TMCO5A: variants seen among roughly 807,000 people sequenced by gnomAD.
TMCO5A encodes transmembrane and coiled-coil domains 5A.
In TMCO5A, 34 loss-of-function variants were observed where a neutral mutation model predicts 42.3. The observed-to-expected ratio is 0.80, with a 90% CI of 0.61 to 1.07. The LOEUF (loss-of-function observed/expected upper bound fraction) is 1.07. TMCO5A is among the 50% of genes least tolerant of loss of function. The probability of loss-of-function intolerance (pLI) is 0.00; values close to 1 mark genes in which losing one functional copy is unlikely to be tolerated. For missense variants in TMCO5A, 357 were observed against 327.9 expected (o/e 1.09, Z -0.69); for synonymous variants, 131 against 115.6 (o/e 1.13, Z -0.86).
the TMCO5A span, among the ~76,000 whole-genome samples, chr15:37,974,089 C>A: frequency 6.2e-4 from 95 of 152,226 alleles, 1 homozygote; most frequent in East Asian, 0.017. Flanking sequence ...GTTGAACAAA[C>A]CTTGCATCCC....
At chr15:38,036,056 T>C in the TMCO5A span, among the ~76,000 whole-genome samples, 3 of 152,070 alleles carry the variant, frequency 2.0e-5, no homozygotes, top group African/African-American at 7.2e-5. Flanking sequence ...AATACTGGAG[T>C]CAGCCTCACG....
At chr15:38,020,000 AT>A in the TMCO5A span, among the ~76,000 whole-genome samples, 4 of 149,522 alleles carry the variant, frequency 2.7e-5, no homozygotes, top group African/African-American at 4.9e-5. Flanking sequence ...AATTAAAAAA[AT>A]TTTTTTTTAG....
At chr15:38,028,750 A>G in the TMCO5A span, among the ~76,000 whole-genome samples, 1 of 152,182 alleles carries the variant, frequency 6.6e-6, no homozygotes, top group Admixed American at 6.5e-5. Context: ...AAAAGCAGCA[A>G]TGGTAGAAGG....
At chr15:38,028,965 A>G in the TMCO5A span, among the ~76,000 whole-genome samples, 3 of 152,234 alleles carry the variant, frequency 2.0e-5, no homozygotes, top group Admixed American at 1.3e-4. Flanking sequence ...ATCTAAAATG[A>G]AGACCCAACT....
At chr15:38,032,655 G>T in the TMCO5A span, among the ~76,000 whole-genome samples, 5 of 152,156 alleles carry the variant, frequency 3.3e-5, no homozygotes, top group African/African-American at 1.2e-4. Flanking sequence ...GGGTAGCCAG[G>T]CATTAATTCA....
downstream of TMCO5A, among the ~76,000 whole-genome samples, chr15:37,953,786 G>A (rs117624727): frequency 5.8e-3 from 882 of 152,092 alleles, 7 homozygotes; most frequent in Non-Finnish European, 0.011. Context: ...TAAAATACCT[G>A]TTTTGAAGAA....
At chr15:38,033,050 C>T in the TMCO5A span, among the ~76,000 whole-genome samples, 8 of 151,876 alleles carry the variant, frequency 5.3e-5, no homozygotes, top group Non-Finnish European at 7.4e-5. Flanking sequence ...GCCTCAGCCT[C>T]CCGAGTAGCT....
rs754073359 is a variant in TMCO5A at position 37,936,359 on chromosome 15, C to T, written c.36C>T (p.Asn12=). Residue 12 remains asparagine (N), a synonymous_variant, in exon 3 of 12, where the codon AAC becomes AAT. Transcript: ENST00000319669. ...CAAGATTGGCTCAGTCAAAAAGAAA[C>T]ATTATCAGTTTGAACATGGACCTTG... ...EISRLAQSKR[N]IISLNMDLER... 3.7e-6 allele frequency: 6 copies of T among 1,612,516 alleles called. No homozygotes were observed. Among genetic ancestry groups the T allele is most frequent in the Admixed American group, 1.7e-5 (1 of 59,814 alleles).
chr15:38,008,130 C>T, the TMCO5A span, among the ~76,000 whole-genome samples: 11 of 151,342 alleles, frequency 7.3e-5, no homozygotes, highest in South Asian at 2.1e-4. Flanking sequence ...CTCCTGACCT[C>T]GTGATCTGCC....
chr15:37,950,967 G>T (rs1478644343), intron 11 of TMCO5A, 69 bp from the exon 12 acceptor site: 48 of 1,372,342 alleles, frequency 3.5e-5, no homozygotes, highest in Non-Finnish European at 4.7e-5. Flanking sequence ...ATGCATTCAG[G>T]TATGATTTAT....
At chr15:37,993,650 C>T in the TMCO5A span, among the ~76,000 whole-genome samples, 1 of 152,230 alleles carries the variant, frequency 6.6e-6, no homozygotes, top group South Asian at 2.1e-4. Flanking sequence ...AAAGTTAATT[C>T]AGCTTTGGGG....
chr15:38,036,483 GTC>G, the TMCO5A span, among the ~76,000 whole-genome samples: 32,189 of 141,652 alleles, frequency 0.23, 3,806 homozygotes, highest in Middle Eastern at 0.3. Context: ...CTCTGTTTTT[GTC>G]TCTCTCTCTC....
At chr15:37,938,259 T>C (rs1452231477) in intron 6 of TMCO5A, 30 bp downstream of exon 6, 2 of 1,526,676 alleles carry the variant, frequency 1.3e-6, no homozygotes, top group South Asian at 1.2e-5. Context: ...CTAAATGTGG[T>C]TGGGCTATGT....
the TMCO5A span, among the ~76,000 whole-genome samples, chr15:38,012,970 AGGACTG>A: frequency 2.0e-5 from 3 of 152,202 alleles, no homozygotes; most frequent in African/African-American, 7.2e-5. Context: ...CCTCTTCCTC[AGGACTG>A]GGATACAGAT....
the TMCO5A span, among the ~76,000 whole-genome samples, chr15:37,983,979 C>G: frequency 6.6e-6 from 1 of 152,048 alleles, no homozygotes; most frequent in Non-Finnish European, 1.5e-5. Flanking sequence ...GTGATCCACC[C>G]ACCTCGGTCT....
the TMCO5A span, among the ~76,000 whole-genome samples, chr15:37,975,542 A>G: frequency 6.6e-6 from 1 of 151,090 alleles, no homozygotes; most frequent in South Asian, 2.1e-4. Flanking sequence ...GTTTTGTCTG[A>G]AATTAGAACA....
At chr15:37,955,752 A>G (rs1204021377), downstream of TMCO5A, among the ~76,000 whole-genome samples, 1 of 152,182 alleles carries the variant, frequency 6.6e-6, no homozygotes, top group South Asian at 2.1e-4. Flanking sequence ...GATCTAATAG[A>G]CATCTACAGA....
rs574901404 is a variant in TMCO5A at position 37,936,453 on chromosome 15, AAG to A, written c.132_133del (p.Lys44AsnfsTer7). On this transcript the variant is annotated frameshift_variant, in exon 3 of 12. Coordinates refer to ENST00000319669, the MANE Select transcript of TMCO5A (RefSeq NM_152453.4). LOFTEE classifies it high-confidence loss of function. ...LLLKIQERED[K>X]IQRLESEIIQ... The stretch of plus-strand genomic sequence containing the variant: ...TCTCAAAATCCAAGAGAGGGAAGAT[AAG>A]ATTCAGAGGTGAGTATTAAGGTTTC... 1.6e-5 allele frequency: 25 copies of A among 1,612,564 alleles called. No individual in the cohort carries two copies. In the African/African-American group the frequency reaches 3.1e-4, roughly 20 times the overall value.
the TMCO5A span, among the ~76,000 whole-genome samples, chr15:37,987,897 A>G: frequency 2.0e-5 from 3 of 152,006 alleles, no homozygotes; most frequent in African/African-American, 7.2e-5. Context: ...CTGCCCAAAA[A>G]AAAGTCATTG....
Sources: allele counts gnomAD v4.1 joint callset (sites outside exome capture counted in the v4.1 genomes callset), GRCh38; gene constraint gnomAD v4.1.1; transcripts MANE v1.5; gene names NCBI Gene and HGNC (gene_info 2026-07-23, HGNC 2026-07-21).